Variants in WFDC3 observed in about 807,000 individuals in gnomAD.
The protein encoded by WFDC3 is WAP four-disulfide core domain 3.
Under a neutral mutation model 25.8 loss-of-function variants are expected in WFDC3, and 15 were observed. That is an observed-to-expected ratio of 0.58 (90% CI 0.39 to 0.89). The LOEUF (loss-of-function observed/expected upper bound fraction) is 0.89, where lower values mean the gene tolerates loss of function less well. WFDC3 is among the 40% of genes least tolerant of loss of function. WFDC3 has a pLI of 0.00. For synonymous variants in WFDC3, 103 were observed against 107.1 expected (o/e 0.96, Z 0.24); for missense variants, 264 against 289.8 (o/e 0.91, Z 0.65).
intron 1 of WFDC3, chr20:45,791,041 A>G (rs1437612037): frequency 2.2e-6 from 1 of 451,114 alleles, no homozygotes; most frequent in Non-Finnish European, 4.5e-6. Context: ...TCCTATGGGC[A>G]GGTACAAGGT....
At chr20:45,780,062 CCT>C (rs1980370326) in intron 4 of WFDC3, among the ~76,000 whole-genome samples, 1 of 131,440 alleles carries the variant, frequency 7.6e-6, no homozygotes, top group Non-Finnish European at 1.6e-5. Context: ...AGCCTTTATA[CCT>C]TTTTTTTTTT....
At chr20:45,790,593 T>C (rs113991601) in intron 1 of WFDC3, among the ~76,000 whole-genome samples, 6,725 of 152,142 alleles carry the variant, frequency 0.044, 149 homozygotes, top group Middle Eastern at 0.099. Context: ...GGCATGCTGG[T>C]GCATGCCTGT....
At chr20:45,788,009 A>T in intron 3 of WFDC3, 27 bp from the exon 4 acceptor site, 1 of 1,607,080 alleles carries the variant, frequency 6.2e-7, no homozygotes, top group Non-Finnish European at 8.5e-7. Flanking sequence ...GACAGCAAAG[A>T]AAAGAGAAAA....
At chr20:45,776,620 AAG>A (rs536906882) in intron 5 of WFDC3, among the ~76,000 whole-genome samples, 10 of 78,486 alleles carry the variant, frequency 1.3e-4, no homozygotes, top group Admixed American at 3.5e-4. Context: ...AAAGAAAAAA[AAG>A]AAAAAAAAAA....
chr20:45,783,095 C>A (rs1180864009), intron 4 of WFDC3, among the ~76,000 whole-genome samples: 1 of 152,084 alleles, frequency 6.6e-6, no homozygotes, highest in Non-Finnish European at 1.5e-5. Flanking sequence ...CCCAGGGTGG[C>A]AAGGACCACG....
chr20:45,782,010 C>A (rs1347812008), intron 4 of WFDC3, among the ~76,000 whole-genome samples: 1 of 152,070 alleles, frequency 6.6e-6, no homozygotes, highest in African/African-American at 2.4e-5. Flanking sequence ...CATCAGCCCA[C>A]GTAAAAGATA....
chr20:45,783,808 G>A (rs1244746437), intron 4 of WFDC3, among the ~76,000 whole-genome samples: 2 of 152,180 alleles, frequency 1.3e-5, no homozygotes, highest in Non-Finnish European at 2.9e-5. Flanking sequence ...GCCCTGGAAG[G>A]AGAGCTTCCT....
At chr20:45,782,294 T>C (rs567348) in intron 4 of WFDC3, among the ~76,000 whole-genome samples, 106,646 of 152,112 alleles carry the variant, frequency 0.7, 37,572 homozygotes, top group Admixed American at 0.76. Flanking sequence ...CCAGTCCCAT[T>C]AATTCTACCT....
intron 5 of WFDC3, 137 bp downstream of exon 5, chr20:45,776,938 C>T: frequency 6.9e-7 from 1 of 1,443,498 alleles, no homozygotes; most frequent in Non-Finnish European, 9.5e-7. Flanking sequence ...CCCCTCGGCC[C>T]TAGAAGAATG....
chr20:45,774,306 A>G lies in WFDC3; in HGVS notation c.*122T>C. On this transcript the variant is annotated 3_prime_UTR_variant, in exon 7 of 7. Coordinates refer to ENST00000243938, the MANE Select transcript of WFDC3 (RefSeq NM_080614.2). ...TGCTCTGGTCAGCGGCAGGAGGAGA[A>G]GCAGAGCAGAGAGGGCCATGAGTGC... 4 of 1,347,044 alleles carry G rather than the reference A, an allele frequency of 3.0e-6. No homozygotes were observed. Among genetic ancestry groups the G allele is most frequent in the Non-Finnish European group, 4.3e-6 (4 of 939,780 alleles). 83.4% of individuals were successfully genotyped at this position (1,347,044 alleles called of 1,614,324 possible).
At chr20:45,784,180 G>C (rs972472419) in intron 4 of WFDC3, among the ~76,000 whole-genome samples, 1 of 152,232 alleles carries the variant, frequency 6.6e-6, no homozygotes, top group Non-Finnish European at 1.5e-5. Flanking sequence ...ACCTGCCTGA[G>C]ACAGATTCCC....
intron 6 of WFDC3, 149 bp downstream of exon 6, chr20:45,775,268 G>C: frequency 1.8e-6 from 2 of 1,134,840 alleles, no homozygotes; most frequent in Admixed American, 2.3e-5. Flanking sequence ...AGCCTGTACT[G>C]TTTGTATGAG....
At chr20:45,781,886 G>A (rs2145685369) in intron 4 of WFDC3, among the ~76,000 whole-genome samples, 2 of 152,322 alleles carry the variant, frequency 1.3e-5, no homozygotes, top group Middle Eastern at 3.4e-3. Context: ...GCCCAGCCTT[G>A]CCAGCAAGCC....
At chr20:45,787,115 A>C (rs1292638413) in intron 4 of WFDC3, among the ~76,000 whole-genome samples, 2 of 146,810 alleles carry the variant, frequency 1.4e-5, no homozygotes, top group Non-Finnish European at 3.0e-5. Context: ...AAAAAAAAAA[A>C]AAAGAATCTC....
At chr20:45,776,658 A>ATGTGTGTGTGTG (rs1226207681) in intron 5 of WFDC3, among the ~76,000 whole-genome samples, 63 of 95,278 alleles carry the variant, frequency 6.6e-4, no homozygotes, top group African/African-American at 2.2e-3. Flanking sequence ...ATATATATAT[A>ATGTGTGTGTGTG]TATGTGTGTG....
rs780376361 is a variant in WFDC3 at position 45,787,826 on chromosome 20, C to T, written c.358+10G>A. Reference sequence around the variant, plus strand: ...AACAGACCATGAGGTGTGGGGACAGCGTTTCTTACCCAGCTTCTGTTTAGA... The same window carrying T: ...AACAGACCATGAGGTGTGGGGACAGTGTTTCTTACCCAGCTTCTGTTTAGA... On this transcript the variant is annotated intron_variant, in intron 4 of 6. Transcript: ENST00000243938. 1.4e-5 allele frequency: 23 copies of T among 1,608,964 alleles called. No individual in the cohort carries two copies. In the Admixed American group the frequency reaches 1.9e-4, roughly 13 times the overall value.
chr20:45,791,201 T>TTTTTA (rs1980965425), intron 1 of WFDC3, among the ~76,000 whole-genome samples: 2 of 94,444 alleles, frequency 2.1e-5, no homozygotes, highest in Non-Finnish European at 2.1e-5. Context: ...TTTTTTTTTT[T>TTTTTA]GAGACAGAGT....
At position 45,789,043 on chromosome 20, in the gene WFDC3, G is replaced by C. The variant is rs1206200643; in HGVS notation, c.99C>G (p.Cys33Trp). The change falls in exon 3 of 7, where the codon TGC becomes TGG. Residue 33 changes from cysteine to tryptophan, a missense_variant. Cys to Trp is a radical substitution (Grantham distance 215, BLOSUM62 -2). Transcript: ENST00000243938. Reference protein sequence around the residue: ...TAGEHAKEGECPPHKNPCKEL... With the variant: ...TAGEHAKEGEWPPHKNPCKEL... Reference sequence around the variant, plus strand: ...CTTTGCATGGGTTCTTATGGGGAGGGCATTCTCCCTCTTTTGCTGCAAAAG... The same window carrying C: ...CTTTGCATGGGTTCTTATGGGGAGGCCATTCTCCCTCTTTTGCTGCAAAAG... The C allele has an allele frequency of 6.2e-7, 1 of 1,611,928 alleles. No homozygotes were observed. The highest frequency in any genetic ancestry group is 8.5e-7 in the Non-Finnish European group (1 of 1,179,526).
At chr20:45,776,636 ATATATATATAT>A (rs1225062992) in intron 5 of WFDC3, among the ~76,000 whole-genome samples, 4 of 78,386 alleles carry the variant, frequency 5.1e-5, no homozygotes, top group East Asian at 3.2e-4. Flanking sequence ...AAAAAAAAAA[ATATATATATAT>A]ATATATATAT....
Sources: allele counts gnomAD v4.1 joint callset (sites outside exome capture counted in the v4.1 genomes callset), GRCh38; gene constraint gnomAD v4.1.1; transcripts MANE v1.5; gene names NCBI Gene and HGNC (gene_info 2026-07-23, HGNC 2026-07-21).